Variants in BNIPL observed in about 807,000 individuals in gnomAD.
The protein encoded by BNIPL is bcl-2/adenovirus E1B 19 kDa-interacting protein 2-like protein.
In BNIPL, 33 loss-of-function variants were observed where a neutral mutation model predicts 47.0. That is an observed-to-expected ratio of 0.70 (90% CI 0.53 to 0.94). The LOEUF (loss-of-function observed/expected upper bound fraction) is 0.94, where lower values mean the gene tolerates loss of function less well. Ranked by LOEUF, BNIPL falls within the 40% of genes least tolerant of loss-of-function variation. The pLI, the probability that BNIPL is intolerant of heterozygous loss-of-function variation, is 0.00. For synonymous variants in BNIPL, 145 were observed against 162.7 expected (o/e 0.89, Z 0.83); for missense variants, 404 against 445.2 (o/e 0.91, Z 0.83).
intron 9 of BNIPL, 37 bp downstream of exon 9, chr1:151,046,202 G>T (rs1336163564): frequency 4.3e-6 from 7 of 1,611,498 alleles, no homozygotes; most frequent in Non-Finnish European, 5.9e-6. Context: ...CTTGGGGTGG[G>T]ATGTGTAAAG....
In BNIPL at chr1:151,042,975, G is replaced by C. The variant is rs924362121; in HGVS notation, c.453G>C (p.Glu151Asp). ...TTTTAGATGAACTACCCCGGGCAGA[G>C]GGTCTGGGCACCAGTGAGACAGCTG... Reference protein sequence around the residue: ...FEWEDELPRAEGLGTSETAER... With the variant: ...FEWEDELPRADGLGTSETAER... Residue 151 changes from glutamate (E) to aspartate (D), a missense_variant, in exon 5 of 10, where the codon GAG becomes GAC. Transcript: ENST00000368931. The C allele has an allele frequency of 1.6e-5, 25 of 1,587,698 alleles. No homozygotes were observed. Among genetic ancestry groups the C allele is most frequent in the Non-Finnish European group, 1.9e-5 (22 of 1,172,584 alleles).
At chr1:151,044,879 G>C (rs12731168) in intron 7 of BNIPL, 126 of 1,288,818 alleles carry the variant, frequency 9.8e-5, no homozygotes, top group Non-Finnish European at 1.2e-4. Context: ...CTTCCACCTA[G>C]AGTTTTATAA....
chr1:151,045,973 C>T, intron 8 of BNIPL, 90 bp downstream of exon 8: 2 of 1,612,900 alleles, frequency 1.2e-6, no homozygotes, highest in South Asian at 1.1e-5. Context: ...TTCTTTCTAG[C>T]CTTAACCACT....
rs144766190 is a variant in BNIPL, at chr1:151,043,674, C to G, written c.798C>G (p.Ala266=). The change falls in exon 7 of 10, where the codon GCC becomes GCG. Residue 266 remains alanine (A), a synonymous_variant. Transcript: ENST00000368931. ...LVHLSGGTSR[A]QVPPLSWIRQ... is the part of the protein sequence containing the mutation. Reference sequence around the variant, plus strand: ...ATTTGAGTGGAGGCACAAGCAGGGCCCAAGTTCCACCTCTAAGCTGGATAC... The same window carrying G: ...ATTTGAGTGGAGGCACAAGCAGGGCGCAAGTTCCACCTCTAAGCTGGATAC... 5,963 of 1,613,822 alleles carry G rather than the reference C, an allele frequency of 3.7e-3. 19 individuals carry two copies. The highest frequency in any genetic ancestry group is 4.8e-3 in the Non-Finnish European group (5,604 of 1,179,744).
rs587763004 is a variant in BNIPL, at chr1:151,046,827, C to A, written c.*140C>A. ...TCTTCACTTCTCAGTGGGATTTTGT[C>A]CTTTGCATGACCCTACTTTCAGCAG... On this transcript the variant is annotated 3_prime_UTR_variant, in exon 10 of 10. Coordinates refer to ENST00000368931, the MANE Select transcript of BNIPL (RefSeq NM_138278.4). The A allele has an allele frequency of 1.5e-6, 1 of 670,774 alleles. No homozygotes were observed. The highest frequency in any genetic ancestry group is 2.5e-6 in the Non-Finnish European group (1 of 400,606). 41.6% of individuals were successfully genotyped at this position (670,774 alleles called of 1,614,324 possible). A position where few individuals can be genotyped will look rare whatever the true frequency, so the allele number is the denominator to read the frequency against.
At chr1:151,041,116 T>TA (rs1675808365) in intron 4 of BNIPL, among the ~76,000 whole-genome samples, 6 of 151,354 alleles carry the variant, frequency 4.0e-5, no homozygotes, top group Admixed American at 3.3e-4. Flanking sequence ...GCCTGGGAAG[T>TA]AGAGGTTGTA....
chr1:151,042,933 C>T (rs1452468054), intron 4 of BNIPL, 23 bp from the exon 5 acceptor site: 1 of 1,486,810 alleles, frequency 6.7e-7, no homozygotes, highest in Non-Finnish European at 8.9e-7. Flanking sequence ...CCTTGTTGAT[C>T]CTTCCCCATC....
At chr1:151,038,000 C>CATAAAAAAA (rs1558098395) in intron 2 of BNIPL, among the ~76,000 whole-genome samples, 1 of 63,970 alleles carries the variant, frequency 1.6e-5, no homozygotes, top group African/African-American at 9.4e-5. Context: ...AACTCTGTCT[C>CATAAAAAAA]AAAAAAAAAA....
intron 7 of BNIPL, chr1:151,044,759 G>GTCTTCTTT (rs1675946472): frequency 1.6e-6 from 2 of 1,215,762 alleles, no homozygotes; most frequent in Admixed American, 2.9e-5. Context: ...CTGGCCCTGT[G>GTCTTCTTT]TCTTCTTTTC....
chr1:151,042,666 T>C (rs1675866212), intron 4 of BNIPL, among the ~76,000 whole-genome samples: 1 of 151,802 alleles, frequency 6.6e-6, no homozygotes, highest in East Asian at 1.9e-4. Flanking sequence ...ATACAAAAAT[T>C]AGCTGGGCAT....
At chr1:151,041,227 G>A (rs1014694197) in intron 4 of BNIPL, among the ~76,000 whole-genome samples, 1 of 151,864 alleles carries the variant, frequency 6.6e-6, no homozygotes. Flanking sequence ...CTCTAGCAGT[G>A]GTATAGAGGG....
At chr1:151,045,039 C>T (rs1046693467) in intron 7 of BNIPL, 10 of 1,050,306 alleles carry the variant, frequency 9.5e-6, no homozygotes, top group South Asian at 6.2e-5. Flanking sequence ...CCGAGGTGGG[C>T]GGATCACAAG....
intron 1 of BNIPL, chr1:151,037,231 C>T (rs918786628): frequency 2.4e-5 from 17 of 709,404 alleles, no homozygotes; most frequent in South Asian, 3.7e-5. Flanking sequence ...ACCGTCTTCC[C>T]GACTTTGCTC....
chr1:151,037,485 A>G, intron 1 of BNIPL, 82 bp from the exon 2 acceptor site: 2 of 1,522,926 alleles, frequency 1.3e-6, no homozygotes, highest in East Asian at 2.5e-5. Context: ...TCTGCTCTGT[A>G]TCTCAATTAC....
intron 2 of BNIPL, among the ~76,000 whole-genome samples, chr1:151,038,063 G>T (rs1675688147): frequency 7.2e-6 from 1 of 139,430 alleles, no homozygotes. Context: ...ATTAGGACTT[G>T]AAGGAAAAAA....
At chr1:151,037,816 C>T (rs1675671431) in intron 2 of BNIPL, among the ~76,000 whole-genome samples, 154 bp downstream of exon 2, 1 of 151,410 alleles carries the variant, frequency 6.6e-6, no homozygotes, top group Admixed American at 6.6e-5. Flanking sequence ...GCCTGACCAA[C>T]ACGGTGAAAT....
chr1:151,047,622 C>T lies in BNIPL; in HGVS notation c.*935C>T. ...AAAGAAGTGAACGACTCTTTCACCACCCCTTGCATCCCAAACCTTCGGTTC... is the reference window on the plus strand; with the variant it reads ...AAAGAAGTGAACGACTCTTTCACCATCCCTTGCATCCCAAACCTTCGGTTC... On this transcript the variant is annotated 3_prime_UTR_variant, in exon 10 of 10. Coordinates refer to ENST00000368931, the MANE Select transcript of BNIPL (RefSeq NM_138278.4). 3 of 612,620 alleles carry T rather than the reference C, an allele frequency of 4.9e-6. No homozygotes were observed. The highest frequency in any genetic ancestry group is 5.3e-6 in the Non-Finnish European group (2 of 374,112). 37.9% of individuals were successfully genotyped at this position (612,620 alleles called of 1,614,324 possible).
At chr1:151,041,878 G>A (rs927872725) in intron 4 of BNIPL, among the ~76,000 whole-genome samples, 1 of 152,106 alleles carries the variant, frequency 6.6e-6, no homozygotes, top group Non-Finnish European at 1.5e-5. Flanking sequence ...GGGAGGCTGA[G>A]GCAGGAGAAT....
At chr1:151,036,911 G>C in intron 1 of BNIPL, 145 bp downstream of exon 1, 25 of 736,836 alleles carry the variant, frequency 3.4e-5, no homozygotes, top group Non-Finnish European at 5.1e-5. Context: ...AGAGATGAGG[G>C]TGGTTTTAGG....
Sources: gnomAD v4.1 joint callset for allele counts (sites outside exome capture counted in the v4.1 genomes callset) on GRCh38, gnomAD v4.1.1 for gene constraint, MANE v1.5 for transcripts, NCBI Gene and HGNC (gene_info 2026-07-23, HGNC 2026-07-21) for gene names.